The following ARIH1 variants were observed in gnomAD, a reference collection of about 807,000 sequenced individuals.
The protein encoded by ARIH1 is ariadne RBR E3 ubiquitin protein ligase 1, also known as E3 ubiquitin-protein ligase ARIH1.
In ARIH1, 8 loss-of-function variants were observed where a neutral mutation model predicts 85.0. The ratio of observed to expected loss-of-function variants is 0.09; its 90% CI spans 0.06 to 0.17. ARIH1 has a LOEUF of 0.17. Ranked by LOEUF, ARIH1 falls within the 10% of genes least tolerant of loss-of-function variation. The probability of loss-of-function intolerance (pLI) is 1.00; values close to 1 mark genes in which losing one functional copy is unlikely to be tolerated. For missense variants in ARIH1, 311 were observed against 718.1 expected (o/e 0.43, Z 6.48); for synonymous variants, 238 against 253.6 (o/e 0.94, Z 0.59).
intron 1 of ARIH1, among the ~76,000 whole-genome samples, chr15:72,485,012 C>G (rs975001784): frequency 1.1e-4 from 16 of 152,278 alleles, no homozygotes; most frequent in African/African-American, 3.8e-4. Flanking sequence ...ACACTGTTTT[C>G]TATAGTGGTT....
In ARIH1 at chr15:72,479,583, A is replaced by G. The variant is rs536958526; in HGVS notation, c.375+4569A>G. ...GCCACCACACCCAACTAATTTTTGT[A>G]TTTTTAGTAGAGACTGGGTTTCACC... On this transcript the variant is annotated intron_variant, in intron 1 of 13. Transcript: ENST00000379887. Among the ~76,000 whole-genome samples the G allele has an allele frequency of 2.0e-5, 3 of 151,716 alleles. No individual in the cohort carries two copies. In the East Asian group the frequency reaches 5.9e-4, roughly 30 times the overall value.
intron 1 of ARIH1, among the ~76,000 whole-genome samples, chr15:72,476,725 C>G (rs1048437879): frequency 2.0e-5 from 3 of 152,108 alleles, no homozygotes; most frequent in Admixed American, 6.6e-5. Flanking sequence ...ACAAAACAAG[C>G]CTGCCACCCA....
rs1480232388 is a variant in ARIH1 at position 72,586,097 on chromosome 15, A to G, written c.*2805A>G. ...CAGTGGTAAAATTGAGTAGCATATA[A>G]TATCAGACTAAATTATCTGTAATTT... On this transcript the variant is annotated 3_prime_UTR_variant, in exon 14 of 14. Transcript: ENST00000379887. 1.3e-5 allele frequency: 2 copies of G among 152,236 alleles called. No homozygotes were observed. The highest frequency in any genetic ancestry group is 2.9e-5 in the Non-Finnish European group (2 of 68,038). The allele number at this position is 152,236 out of a possible 1,614,324, so 9.4% of individuals were successfully genotyped here. A position where few individuals can be genotyped will look rare whatever the true frequency, so the allele number is the denominator to read the frequency against.
intron 1 of ARIH1, among the ~76,000 whole-genome samples, chr15:72,497,250 A>C (rs148945487): frequency 1.1e-3 from 169 of 152,274 alleles, no homozygotes; most frequent in African/African-American, 4.0e-3. Flanking sequence ...AGATAGATTG[A>C]GCTATGTGTG....
intron 5 of ARIH1, 163 bp from the exon 6 acceptor site, chr15:72,561,320 C>A: frequency 1.8e-6 from 1 of 558,106 alleles, no homozygotes; most frequent in Non-Finnish European, 3.1e-6. Context: ...TTGTTCTGAT[C>A]AGTACAGTTA....
rs749458387 is a variant in ARIH1 at position 72,582,599 on chromosome 15, A to ATTT, written c.1589+417_1589+419dup. The stretch of plus-strand genomic sequence containing the variant: ...GTTTTTATTACATATATATATATAT[A>ATTT]TTTTTTTAATCTAAGGAGATACTTG... On this transcript the variant is annotated intron_variant, in intron 13 of 13. Coordinates refer to ENST00000379887, the MANE Select transcript of ARIH1 (RefSeq NM_005744.5). This position sits in a 1 kb window ranked among gnomAD's most constrained non-coding sequence, Gnocchi z 4.6. Among the ~76,000 whole-genome samples the ATTT allele has an allele frequency of 2.0e-5, 3 of 150,920 alleles. No individual in the cohort carries two copies. The highest frequency in any genetic ancestry group is 7.3e-5 in the African/African-American group (3 of 41,094).
intron 3 of ARIH1, among the ~76,000 whole-genome samples, chr15:72,545,353 T>A (rs192776734): frequency 6.6e-6 from 1 of 152,350 alleles, no homozygotes; most frequent in Admixed American, 6.5e-5. Flanking sequence ...CCGTTAATAC[T>A]ATTTGCTAGG....
At chr15:72,518,777 A>G (rs1044338364) in intron 2 of ARIH1, among the ~76,000 whole-genome samples, 1 of 145,660 alleles carries the variant, frequency 6.9e-6, no homozygotes, top group African/African-American at 2.6e-5. Context: ...ACAGAGCGAG[A>G]CTCTATCTCA....
rs575503513 is a variant in ARIH1, at chr15:72,496,956, C to T, written c.376-21111C>T. 1.7e-5 allele frequency: 9 copies of T among 522,068 alleles called. No individual in the cohort carries two copies. In the South Asian group the frequency reaches 7.5e-4, roughly 44 times the overall value. 32.3% of individuals were successfully genotyped at this position (522,068 alleles called of 1,614,324 possible). The stretch of plus-strand genomic sequence containing the variant: ...CAACCAGTACCTCATTATTTAAGGG[C>T]ACATCATTTATCCTATAAATCTTTG... On this transcript the variant is annotated intron_variant, in intron 1 of 13. Coordinates refer to ENST00000379887, the MANE Select transcript of ARIH1 (RefSeq NM_005744.5).
intron 1 of ARIH1, among the ~76,000 whole-genome samples, chr15:72,479,185 G>A (rs1019454260): frequency 1.3e-5 from 2 of 152,032 alleles, no homozygotes; most frequent in African/African-American, 2.4e-5. Context: ...TTTGGATTTC[G>A]GATTTTCAGA....
At chr15:72,513,428 C>T (rs1035621783) in intron 1 of ARIH1, among the ~76,000 whole-genome samples, 1 of 151,936 alleles carries the variant, frequency 6.6e-6, no homozygotes, top group Non-Finnish European at 1.5e-5. Flanking sequence ...TTACAGTTGT[C>T]GTATGTGTTA....
chr15:72,479,127 C>G (rs1006342681), intron 1 of ARIH1, among the ~76,000 whole-genome samples: 4 of 152,144 alleles, frequency 2.6e-5, no homozygotes, highest in African/African-American at 9.7e-5. Context: ...AAATCCAAAA[C>G]TTTTTGAGCA....
chr15:72,502,292 TAGAA>T (rs1330348270), intron 1 of ARIH1, among the ~76,000 whole-genome samples: 16 of 152,174 alleles, frequency 1.1e-4, no homozygotes, highest in Admixed American at 9.2e-4. Context: ...TGGGATGACA[TAGAA>T]GGAAGTAATT....
At chr15:72,540,520 A>G (rs1250192474) in intron 2 of ARIH1, among the ~76,000 whole-genome samples, 1 of 152,202 alleles carries the variant, frequency 6.6e-6, no homozygotes, top group African/African-American at 2.4e-5. Context: ...GAACAAATAC[A>G]TGAAACTTTG....
At chr15:72,482,787 C>T (rs1317687733) in intron 1 of ARIH1, among the ~76,000 whole-genome samples, 1 of 151,038 alleles carries the variant, frequency 6.6e-6, no homozygotes, top group Non-Finnish European at 1.5e-5. Context: ...GGCTTATGGT[C>T]TCTTACAAGG....
At chr15:72,504,344 G>A (rs1036925405) in intron 1 of ARIH1, among the ~76,000 whole-genome samples, 16 of 152,098 alleles carry the variant, frequency 1.1e-4, no homozygotes, top group Admixed American at 6.6e-5. Flanking sequence ...GTGAGCCACC[G>A]CACCCAGCCA....
chr15:72,537,208 C>G (rs116304714), intron 2 of ARIH1, among the ~76,000 whole-genome samples: 2,602 of 152,100 alleles, frequency 0.017, 60 homozygotes, highest in African/African-American at 0.059. Context: ...CTTTGGAATT[C>G]TGAACTTACC....
chr15:72,474,401 T>G lies in ARIH1; in HGVS notation c.-239T>G, dbSNP rs996394202. The G allele has an allele frequency of 1.8e-6, 1 of 540,834 alleles. No homozygotes were observed. The highest frequency in any genetic ancestry group is 3.7e-5 in the Admixed American group (1 of 27,312). The allele number at this position is 540,834 out of a possible 1,614,324, so 33.5% of individuals were successfully genotyped here. On this transcript the variant is annotated 5_prime_UTR_variant, in exon 1 of 14. Transcript: ENST00000379887. Reference sequence around the variant, plus strand: ...TCTCGGAGGCCGGAGCGGAGCCGCGTCTGACTGAGGCGGGCAGCAAGCGGC... The same window carrying G: ...TCTCGGAGGCCGGAGCGGAGCCGCGGCTGACTGAGGCGGGCAGCAAGCGGC...
chr15:72,475,782 T>G (rs1327782773), intron 1 of ARIH1, among the ~76,000 whole-genome samples: 1 of 152,232 alleles, frequency 6.6e-6, no homozygotes, highest in Non-Finnish European at 1.5e-5. Flanking sequence ...AAGACTCTAT[T>G]GTGAGTTAGA....
Sources: allele counts gnomAD v4.1 joint callset (sites outside exome capture counted in the v4.1 genomes callset), GRCh38; gene constraint gnomAD v4.1.1; non-coding constraint Gnocchi (gnomAD v3.1); transcripts MANE v1.5; gene names NCBI Gene and HGNC (gene_info 2026-07-23, HGNC 2026-07-21).